Variants in RBM15B observed in about 807,000 individuals in gnomAD.
The protein encoded by RBM15B is RNA binding motif protein 15B, also known as putative RNA-binding protein 15B.
RBM15B carries 11 observed loss-of-function variants against 53.3 expected under a neutral mutation model. The ratio of observed to expected loss-of-function variants is 0.21; its 90% CI spans 0.13 to 0.34. The LOEUF is 0.34. Among genes scored for constraint, RBM15B ranks in the 10% least tolerant of loss-of-function variants. RBM15B has a pLI of 1.00. For synonymous variants in RBM15B, 631 were observed against 540.7 expected, an observed-to-expected ratio of 1.17 and a Z score of -2.32; for missense variants, 1,136 against 1,250.3, an observed-to-expected ratio of 0.91 and a Z score of 1.38.
Position 51,394,624 on chromosome 3 carries a change from A to C in RBM15B, c.*552A>C, listed in dbSNP as rs1553622275. 2 of 167,104 alleles carry C rather than the reference A, an allele frequency of 1.2e-5. No homozygotes were observed. The highest frequency in any genetic ancestry group is 3.8e-4 in the East Asian group (2 of 5,206). The allele number at this position is 167,104 out of a possible 1,614,324, so 10.4% of individuals were successfully genotyped here. On this transcript the variant is annotated 3_prime_UTR_variant, in exon 1 of 1. Coordinates refer to ENST00000563281, the MANE Select transcript of RBM15B (RefSeq NM_013286.5). ...CTGTGGACGCTGCCACACAAGCCTG[A>C]GTAGAGCCCATGCAAAGGAAGGGAT...
chr3:51,395,710 A>G lies in RBM15B; in HGVS notation c.*1638A>G, dbSNP rs1023892983. ...GCTAGGATAAGGTAGCATGAGTGAC[A>G]CCTGAGATTAGAGGCTGGGGCTCAC... is the stretch of plus-strand genomic sequence containing the variant. On this transcript the variant is annotated 3_prime_UTR_variant, in exon 1 of 1. Transcript: ENST00000563281. 1.5e-5 allele frequency: 6 copies of G among 412,400 alleles called. No homozygotes were observed. Among genetic ancestry groups the G allele is most frequent in the Non-Finnish European group, 1.8e-5 (4 of 225,840 alleles). 25.5% of individuals were successfully genotyped at this position (412,400 alleles called of 1,614,324 possible).
Position 51,391,833 on chromosome 3 carries a change from G to C in RBM15B, c.434G>C (p.Ser145Thr). 6.2e-6 allele frequency: 10 copies of C among 1,602,346 alleles called. No individual in the cohort carries two copies. Among genetic ancestry groups the C allele is most frequent in the Non-Finnish European group, 8.5e-6 (10 of 1,179,332 alleles). Residue 145 changes from serine to threonine, a missense_variant, in exon 1 of 1, where the codon AGC (serine) becomes ACC (threonine). Physicochemically the swap from Ser to Thr is moderately conservative, Grantham distance 58. Coordinates refer to ENST00000563281, the MANE Select transcript of RBM15B (RefSeq NM_013286.5). The surrounding 1 kb of genome is among the most constrained non-coding windows in gnomAD (Gnocchi z 4.5). ...APEYKTLLIS[S>T]LSPALPAEHL... is the part of the protein sequence containing the mutation. The stretch of plus-strand genomic sequence containing the variant: ...GAGTACAAGACGTTGCTCATCAGCA[G>C]CTTGAGCCCCGCGCTGCCCGCCGAG...
chr3:51,391,872 G>A lies in RBM15B; in HGVS notation c.473G>A (p.Arg158Gln), dbSNP rs782690003. The A allele has an allele frequency of 8.7e-6, 14 of 1,603,292 alleles. No individual in the cohort carries two copies. The East Asian group carries it at 2.9e-4, about 33-fold the overall frequency. ...CTGCCCGCCGAGCACCTCGAGGACC[G>A]GCTCTTCCACCAGTTCAAGCGCTTC... ...PALPAEHLED[R>Q]LFHQFKRFGE... The change falls in exon 1 of 1, where the codon CGG becomes CAG. Residue 158 changes from arginine (R) to glutamine (Q), a missense_variant. By Grantham distance (43) the Arg-to-Gln change is conservative. Around this residue, in one of 7 missense-constraint regions of RBM15B, gnomAD observed 257 missense variants for 261.1 expected, o/e 0.98. Coordinates refer to ENST00000563281, the MANE Select transcript of RBM15B (RefSeq NM_013286.5). This position sits in a 1 kb window ranked among gnomAD's most constrained non-coding sequence, Gnocchi z 4.5.
Position 51,393,233 on chromosome 3 carries a change from G to A in RBM15B, c.1834G>A (p.Glu612Lys), listed in dbSNP as rs1553621919. 2 of 1,613,830 alleles carry A rather than the reference G, an allele frequency of 1.2e-6. No homozygotes were observed. Among genetic ancestry groups the A allele is most frequent in the Non-Finnish European group, 1.7e-6 (2 of 1,179,852 alleles). Residue 612 changes from glutamate (E) to lysine (K), a missense_variant, in exon 1 of 1, where the codon GAG (glutamate) becomes AAG (lysine). Physicochemically the swap from Glu to Lys is moderately conservative, Grantham distance 56 (BLOSUM62 1). Transcript: ENST00000563281. The surrounding 1 kb of genome is among the most constrained non-coding windows in gnomAD (Gnocchi z 5.6). ...TGGGAGGACAACCCATTCACCATAT[G>A]AGGAACGGAGTAGGACCAAGGGCAG... Reference protein sequence around the residue: ...DRGRTTHSPYEERSRTKGSGQ... With the variant: ...DRGRTTHSPYKERSRTKGSGQ...
chr3:51,393,680 A>C lies in RBM15B; in HGVS notation c.2281A>C (p.Thr761Pro). Residue 761 changes from threonine to proline, a missense_variant, in exon 1 of 1, where the codon ACC becomes CCC. By Grantham distance (38) the Thr-to-Pro change is conservative. Transcript: ENST00000563281. This position sits in a 1 kb window ranked among gnomAD's most constrained non-coding sequence, Gnocchi z 5.6. ...LKDHTSGSKLTQLKIAQRLRL... is the reference protein window; with the variant it reads ...LKDHTSGSKLPQLKIAQRLRL... ...AGACCACACTTCTGGGAGCAAGCTG[A>C]CCCAGCTGAAGATCGCCCAGCGCCT... The C allele has an allele frequency of 6.2e-7, 1 of 1,612,834 alleles. No individual in the cohort carries two copies. Among genetic ancestry groups the C allele is most frequent in the Non-Finnish European group, 8.5e-7 (1 of 1,179,466 alleles).
chr3:51,395,208 G>T lies in RBM15B; in HGVS notation c.*1136G>T, dbSNP rs1464707538. 2 of 167,152 alleles carry T rather than the reference G, an allele frequency of 1.2e-5. No individual in the cohort carries two copies. The highest frequency in any genetic ancestry group is 2.9e-5 in the Non-Finnish European group (2 of 68,168). 10.4% of individuals were successfully genotyped at this position (167,152 alleles called of 1,614,324 possible). A position where few individuals can be genotyped will look rare whatever the true frequency, so the allele number is the denominator to read the frequency against. On this transcript the variant is annotated 3_prime_UTR_variant, in exon 1 of 1. Coordinates refer to ENST00000563281, the MANE Select transcript of RBM15B (RefSeq NM_013286.5). Reference sequence around the variant, plus strand: ...GATAATGACGGTTTCCTAGGTGCAAGATCAGAGCATGTGCCTACACCTTGT... The same window carrying T: ...GATAATGACGGTTTCCTAGGTGCAATATCAGAGCATGTGCCTACACCTTGT...
Position 51,392,156 on chromosome 3 carries a change from C to G in RBM15B, c.757C>G (p.Leu253Val). ...PPAPADPLGY[L>V]PLHGGYQYKQ... ...CGCGCCCGCCGACCCGCTCGGCTAC[C>G]TCCCGCTACACGGAGGCTACCAGTA... The change falls in exon 1 of 1, where the codon CTC (leucine) becomes GTC (valine). Residue 253 changes from leucine to valine, a missense_variant. Around this residue, in one of 7 missense-constraint regions of RBM15B, gnomAD observed 204 missense variants for 196.8 expected, o/e 1.04. Coordinates refer to ENST00000563281, the MANE Select transcript of RBM15B (RefSeq NM_013286.5). The surrounding 1 kb of genome is among the most constrained non-coding windows in gnomAD (Gnocchi z 7.5). The G allele has an allele frequency of 6.5e-7, 1 of 1,536,506 alleles. No individual in the cohort carries two copies. Among genetic ancestry groups the G allele is most frequent in the Non-Finnish European group, 8.7e-7 (1 of 1,146,388 alleles).
Position 51,392,531 on chromosome 3 carries a change from G to A in RBM15B, c.1132G>A (p.Ala378Thr). The change falls in exon 1 of 1, where the codon GCC becomes ACC. Residue 378 changes from alanine (A) to threonine (T), a missense_variant. Ala to Thr is a moderately conservative substitution (Grantham distance 58). Around this residue, in one of 7 missense-constraint regions of RBM15B, gnomAD observed 40 missense variants for 74.2 expected, o/e 0.54. Coordinates refer to ENST00000563281, the MANE Select transcript of RBM15B (RefSeq NM_013286.5). This position sits in a 1 kb window ranked among gnomAD's most constrained non-coding sequence, Gnocchi z 7.5. ...IKRPARGQGGAYAFLKFQNLD... is the reference protein window; with the variant it reads ...IKRPARGQGGTYAFLKFQNLD... ...GAGGCCTGCCCGTGGCCAGGGCGGT[G>A]CCTATGCCTTCCTCAAGTTCCAGAA... The A allele has an allele frequency of 6.2e-7, 1 of 1,613,900 alleles. No individual in the cohort carries two copies. Among genetic ancestry groups the A allele is most frequent in the African/African-American group, 1.3e-5 (1 of 75,066 alleles).
At position 51,396,677 on chromosome 3, in the gene RBM15B, T is replaced by G. The variant is rs1559459938; in HGVS notation, c.*2605T>G. Reference sequence around the variant, plus strand: ...TAGAATAAGGAAGACAGCTGATGCCTCCTTAGCCCCTTAGCACATGTTCCT... The same window carrying G: ...TAGAATAAGGAAGACAGCTGATGCCGCCTTAGCCCCTTAGCACATGTTCCT... On this transcript the variant is annotated 3_prime_UTR_variant, in exon 1 of 1. Transcript: ENST00000563281. 1 of 167,130 alleles carries G rather than the reference T, an allele frequency of 6.0e-6. No individual in the cohort carries two copies. Among genetic ancestry groups the G allele is most frequent in the Non-Finnish European group, 1.5e-5 (1 of 68,134 alleles). 10.4% of individuals were successfully genotyped at this position (167,130 alleles called of 1,614,324 possible). A position where few individuals can be genotyped will look rare whatever the true frequency, so the allele number is the denominator to read the frequency against.
chr3:51,391,816 G>A lies in RBM15B; in HGVS notation c.417G>A (p.Lys139=), dbSNP rs781807753. 1.2e-6 allele frequency: 2 copies of A among 1,600,722 alleles called. No individual in the cohort carries two copies. Among genetic ancestry groups the A allele is most frequent in the Non-Finnish European group, 8.5e-7 (1 of 1,179,110 alleles). The change falls in exon 1 of 1, where the codon AAG becomes AAA. Residue 139 remains lysine, a synonymous_variant. Coordinates refer to ENST00000563281, the MANE Select transcript of RBM15B (RefSeq NM_013286.5). The surrounding 1 kb of genome is among the most constrained non-coding windows in gnomAD (Gnocchi z 4.5). ...CATCCGCGGCCGCGCCTGAGTACAA[G>A]ACGTTGCTCATCAGCAGCTTGAGCC... ...PGSSAAAPEY[K]TLLISSLSPA...
Position 51,394,977 on chromosome 3 carries a change from G to A in RBM15B, c.*905G>A, listed in dbSNP as rs1463310378. The A allele has an allele frequency of 6.0e-6, 1 of 167,148 alleles. No homozygotes were observed. Among genetic ancestry groups the A allele is most frequent in the Admixed American group, 6.5e-5 (1 of 15,292 alleles). The allele number at this position is 167,148 out of a possible 1,614,324, so 10.4% of individuals were successfully genotyped here. A position where few individuals can be genotyped will look rare whatever the true frequency, so the allele number is the denominator to read the frequency against. On this transcript the variant is annotated 3_prime_UTR_variant, in exon 1 of 1. Coordinates refer to ENST00000563281, the MANE Select transcript of RBM15B (RefSeq NM_013286.5). ...CCAGGGGCCCGGGAGTCCAAATACT[G>A]GAATGGAGGGTTGGAGGCAGCCTTC...
chr3:51,396,177 C>A lies in RBM15B; in HGVS notation c.*2105C>A. On this transcript the variant is annotated 3_prime_UTR_variant, in exon 1 of 1. Transcript: ENST00000563281. ...GCAGGTGCTCAGGACCCGGAAGAAT[C>A]ATCTACCTCCCAGCTTTGTGAGACA... is the stretch of plus-strand genomic sequence containing the variant. 1 of 377,510 alleles carries A rather than the reference C, an allele frequency of 2.6e-6. No homozygotes were observed. The highest frequency in any genetic ancestry group is 4.9e-6 in the Non-Finnish European group (1 of 203,824). 23.4% of individuals were successfully genotyped at this position (377,510 alleles called of 1,614,324 possible).
chr3:51,393,617 C>G lies in RBM15B; in HGVS notation c.2218C>G (p.Leu740Val). The G allele has an allele frequency of 6.2e-7, 1 of 1,613,846 alleles. No homozygotes were observed. Among genetic ancestry groups the G allele is most frequent in the Middle Eastern group, 1.7e-4 (1 of 6,060 alleles). ...NSCFPTSMHI[L>V]EGDQGVISSL... ...CTGCTTCCCCACGTCTATGCATATC[C>G]TAGAGGGGGACCAGGGGGTGATCAG... Residue 740 changes from leucine (L) to valine (V), a missense_variant, in exon 1 of 1, where the codon CTA (leucine) becomes GTA (valine). Leu to Val is a conservative substitution (Grantham distance 32). Around this residue, in one of 7 missense-constraint regions of RBM15B, gnomAD observed 578 missense variants for 581.6 expected, o/e 0.99. Transcript: ENST00000563281. This position sits in a 1 kb window ranked among gnomAD's most constrained non-coding sequence, Gnocchi z 5.6.
rs2106645960 is a variant in RBM15B at position 51,394,601 on chromosome 3, G to C, written c.*529G>C. 1 of 167,260 alleles carries C rather than the reference G, an allele frequency of 6.0e-6. No homozygotes were observed. The highest frequency in any genetic ancestry group is 1.9e-4 in the East Asian group (1 of 5,192). The allele number at this position is 167,260 out of a possible 1,614,324, so 10.4% of individuals were successfully genotyped here. Reference sequence around the variant, plus strand: ...CAGCAGGCAAGCTTCAGTTTGGGCTGTGGACGCTGCCACACAAGCCTGAGT... The same window carrying C: ...CAGCAGGCAAGCTTCAGTTTGGGCTCTGGACGCTGCCACACAAGCCTGAGT... On this transcript the variant is annotated 3_prime_UTR_variant, in exon 1 of 1. Coordinates refer to ENST00000563281, the MANE Select transcript of RBM15B (RefSeq NM_013286.5).
In RBM15B at chr3:51,391,945, G is replaced by T. The variant is rs139144659; in HGVS notation, c.546G>T (p.Val182=). 7.8e-4 allele frequency: 1,253 copies of T among 1,602,230 alleles called. 34 individuals carry two copies. In the East Asian group the frequency reaches 0.028, roughly 36 times the overall value. ...RLSHTPELGR[V]AYVNFRHPQD... Reference sequence around the variant, plus strand: ...CGCACACGCCTGAGCTGGGCCGTGTGGCCTACGTGAATTTCCGGCACCCAC... The same window carrying T: ...CGCACACGCCTGAGCTGGGCCGTGTTGCCTACGTGAATTTCCGGCACCCAC... The change falls in exon 1 of 1, where the codon GTG becomes GTT. Residue 182 remains valine, a synonymous_variant. Coordinates refer to ENST00000563281, the MANE Select transcript of RBM15B (RefSeq NM_013286.5). This position sits in a 1 kb window ranked among gnomAD's most constrained non-coding sequence, Gnocchi z 4.5.
In RBM15B at chr3:51,391,834, C is replaced by T. The variant is rs1359162304; in HGVS notation, c.435C>T (p.Ser145=). Residue 145 remains serine (S), a synonymous_variant, in exon 1 of 1, where the codon AGC becomes AGT. Transcript: ENST00000563281. The surrounding 1 kb of genome is among the most constrained non-coding windows in gnomAD (Gnocchi z 4.5). ...AGTACAAGACGTTGCTCATCAGCAG[C>T]TTGAGCCCCGCGCTGCCCGCCGAGC... ...APEYKTLLIS[S]LSPALPAEHL... The T allele has an allele frequency of 8.7e-5, 139 of 1,602,350 alleles. No individual in the cohort carries two copies. Among genetic ancestry groups the T allele is most frequent in the Non-Finnish European group, 1.1e-4 (135 of 1,179,336 alleles).
Position 51,392,512 on chromosome 3 carries a change from T to A in RBM15B, c.1113T>A (p.Pro371=). The change falls in exon 1 of 1, where the codon CCT becomes CCA. Residue 371 remains proline (P), a synonymous_variant. Transcript: ENST00000563281. The surrounding 1 kb of genome is among the most constrained non-coding windows in gnomAD (Gnocchi z 7.5). ...TCGAGGAGGTGGTCATCAAGAGGCC[T>A]GCCCGTGGCCAGGGCGGTGCCTATG... ...GIIEEVVIKR[P]ARGQGGAYAF... 1 of 1,613,872 alleles carries A rather than the reference T, an allele frequency of 6.2e-7. No individual in the cohort carries two copies. Among genetic ancestry groups the A allele is most frequent in the Non-Finnish European group, 8.5e-7 (1 of 1,180,018 alleles).
chr3:51,392,231 C>A lies in RBM15B; in HGVS notation c.832C>A (p.Arg278Ser). ...CGCTGCCCCGCCCCTGCGGGAGCCC[C>A]GTGCCCGTCACGCCGCCGCAGCCTT... is the stretch of plus-strand genomic sequence containing the variant. The part of the protein sequence containing the change: ...PVAAPPLREP[R>S]ARHAAAAFAL... Residue 278 changes from arginine to serine, a missense_variant, in exon 1 of 1, where the codon CGT (arginine) becomes AGT (serine). Coordinates refer to ENST00000563281, the MANE Select transcript of RBM15B (RefSeq NM_013286.5). This position sits in a 1 kb window ranked among gnomAD's most constrained non-coding sequence, Gnocchi z 7.5. 1.3e-6 allele frequency: 2 copies of A among 1,566,996 alleles called. No homozygotes were observed. The highest frequency in any genetic ancestry group is 1.7e-6 in the Non-Finnish European group (2 of 1,161,062).
In RBM15B at chr3:51,393,853, G is replaced by A. The variant is rs1315697752; in HGVS notation, c.2454G>A (p.Arg818=). ...GMPTVEPGLQ[R]RLLRNLVSYL... is the part of the protein sequence containing the mutation. ...CCACAGTAGAGCCCGGTCTGCAGAG[G>A]CGGCTTCTCAGGAACCTGGTCTCCT... is the stretch of plus-strand genomic sequence containing the variant. Residue 818 remains arginine (R), a synonymous_variant, in exon 1 of 1, where the codon AGG becomes AGA. Transcript: ENST00000563281. The surrounding 1 kb of genome is among the most constrained non-coding windows in gnomAD (Gnocchi z 5.6). 4 of 1,591,862 alleles carry A rather than the reference G, an allele frequency of 2.5e-6. No individual in the cohort carries two copies. Among genetic ancestry groups the A allele is most frequent in the East Asian group, 4.5e-5 (2 of 44,704 alleles).
Sources: allele counts gnomAD v4.1 joint callset, GRCh38; gene constraint gnomAD v4.1.1; regional missense constraint gnomAD v4.1.1; non-coding constraint Gnocchi (gnomAD v3.1); transcripts MANE v1.5; gene names NCBI Gene and HGNC (gene_info 2026-07-23, HGNC 2026-07-21).